C11orf54: variants seen among roughly 807,000 people sequenced by gnomAD.
C11orf54 encodes the protein beta-keto L-gulonate decarboxylase.
A neutral mutation model predicts 35.5 loss-of-function variants in C11orf54; 29 were observed. The observed-to-expected ratio is 0.82, with a 90% CI of 0.61 to 1.11. The LOEUF is 1.11. Ranked by LOEUF, C11orf54 falls within the 50% of genes most tolerant of loss-of-function variation. C11orf54 has a pLI of 0.00. For synonymous variants in C11orf54, 108 were observed against 121.1 expected, an observed-to-expected ratio of 0.89 and a Z score of 0.71; for missense variants, 373 against 369.2, an observed-to-expected ratio of 1.01 and a Z score of -0.08.
chr11:93,754,457 G>C (rs1461825249), intron 5 of C11orf54, among the ~76,000 whole-genome samples: 2 of 152,110 alleles, frequency 1.3e-5, no homozygotes, highest in African/African-American at 4.8e-5. Context: ...TATCACAATA[G>C]TATGATGGTT....
At chr11:93,753,072 C>T (rs917204601) in intron 3 of C11orf54, among the ~76,000 whole-genome samples, 7 of 152,060 alleles carry the variant, frequency 4.6e-5, no homozygotes, top group African/African-American at 1.7e-4. Context: ...CCTCTGCCCC[C>T]GCCGGGTTCA....
rs1260256188 is a variant in C11orf54 at position 93,759,762 on chromosome 11, C to A, written c.678C>A (p.Cys226Ter). 6.3e-7 allele frequency: 1 copy of A among 1,599,164 alleles called. No individual in the cohort carries two copies. Among genetic ancestry groups the A allele is most frequent in the Middle Eastern group, 1.7e-4 (1 of 5,996 alleles). ...TGTAGCCTGCAGAATTTTCTTCCTG[C>A]CCCTTGAACTCTGATGAAGAAGTGA... ...SHIMPAEFSS[C>*]PLNSDEEVNK... The change falls in exon 8 of 9, where the codon TGC becomes TGA. Residue 226 changes from cysteine (C) to a stop codon, truncating the protein, a stop_gained. Transcript: ENST00000354421. LOFTEE classifies it high-confidence loss of function.
At chr11:93,743,916 C>T (rs1195081049) in intron 1 of C11orf54, among the ~76,000 whole-genome samples, 2 of 152,118 alleles carry the variant, frequency 1.3e-5, no homozygotes, top group African/African-American at 4.8e-5. Flanking sequence ...AGGCTGTATT[C>T]CTGGAGTTTA....
rs761734799 is a variant in C11orf54 at position 93,759,834 on chromosome 11, A to G, written c.750A>G (p.Leu250=). ...AAATGAAAGCTCCTTTGGTTTGTCT[A>G]CCAGTTTTTGTCTCCAGAGACCCAG... is the stretch of plus-strand genomic sequence containing the variant. ...FYEMKAPLVC[L]PVFVSRDPGF... The change falls in exon 8 of 9, where the codon CTA becomes CTG. Residue 250 remains leucine (L), a synonymous_variant. Transcript: ENST00000354421. 2 of 1,607,062 alleles carry G rather than the reference A, an allele frequency of 1.2e-6. No homozygotes were observed. Among genetic ancestry groups the G allele is most frequent in the Admixed American group, 3.3e-5 (2 of 59,902 alleles).
rs572360354 is a variant in C11orf54, at chr11:93,763,860, T to G, written c.*2172T>G. 6.6e-6 allele frequency: 1 copy of G among 152,426 alleles called. No individual in the cohort carries two copies. The highest frequency in any genetic ancestry group is 2.4e-5 in the African/African-American group (1 of 41,590). 9.4% of individuals were successfully genotyped at this position (152,426 alleles called of 1,614,324 possible). A position where few individuals can be genotyped will look rare whatever the true frequency, so the allele number is the denominator to read the frequency against. ...TTTCTGGGGAAAGCAGGGCAGCTCC[T>G]AAGCAGGATTTGACAACAGGGAAGG... is the stretch of plus-strand genomic sequence containing the variant. On this transcript the variant is annotated 3_prime_UTR_variant, in exon 9 of 9. Coordinates refer to ENST00000354421, the MANE Select transcript of C11orf54 (RefSeq NM_001286069.2).
In C11orf54 at chr11:93,755,242, C is replaced by T; in HGVS notation, c.363C>T (p.His121=). 1.2e-6 allele frequency: 2 copies of T among 1,614,064 alleles called. No homozygotes were observed. The highest frequency in any genetic ancestry group is 1.3e-5 in the African/African-American group (1 of 75,038). Residue 121 remains histidine, a synonymous_variant, in exon 6 of 9, where the codon CAC becomes CAT. Coordinates refer to ENST00000354421, the MANE Select transcript of C11orf54 (RefSeq NM_001286069.2). ...CAGTTATTCAGACAGAAAGTGAACA[C>T]AAGCCTCCTGTAAATGGAAGTTACT... is the stretch of plus-strand genomic sequence containing the variant. ...FMPVIQTESE[H]KPPVNGSYFA... is the part of the protein sequence containing the mutation.
chr11:93,759,721 T>G, intron 7 of C11orf54, 21 bp from the exon 8 acceptor site: 1 of 1,351,774 alleles, frequency 7.4e-7, no homozygotes, highest in Non-Finnish European at 1.0e-6. Flanking sequence ...TGTTTACCTA[T>G]GTAATTATCT....
intron 7 of C11orf54, among the ~76,000 whole-genome samples, chr11:93,759,284 G>A (rs996541545): frequency 5.9e-5 from 9 of 152,152 alleles, no homozygotes; most frequent in African/African-American, 2.2e-4. Context: ...AGAAAATGTG[G>A]TACATATACA....
intron 8 of C11orf54, among the ~76,000 whole-genome samples, chr11:93,760,537 C>T (rs1943403362): frequency 6.6e-6 from 1 of 151,978 alleles, no homozygotes. Flanking sequence ...AGTAGAGTCA[C>T]AACTAGGATT....
chr11:93,761,111 C>G (rs1027492958), intron 8 of C11orf54, among the ~76,000 whole-genome samples: 1 of 152,104 alleles, frequency 6.6e-6, no homozygotes, highest in Non-Finnish European at 1.5e-5. Flanking sequence ...TGAGAAGTTA[C>G]ATACGCAATA....
At chr11:93,757,516 T>A (rs604414) in intron 7 of C11orf54, 51 bp downstream of exon 7, 1,518,417 of 1,535,612 alleles carry the variant, frequency 0.99, 752,287 homozygotes, top group East Asian at 1. Context: ...GTGTGTGCAC[T>A]TACTTAAGAT....
At chr11:93,756,825 C>T (rs1943182385) in intron 6 of C11orf54, among the ~76,000 whole-genome samples, 1 of 152,130 alleles carries the variant, frequency 6.6e-6, no homozygotes, top group Non-Finnish European at 1.5e-5. Flanking sequence ...GAGATAGCCT[C>T]TTCAGCTACT....
intron 1 of C11orf54, chr11:93,745,890 G>A (rs1404439243): frequency 6.6e-6 from 1 of 152,364 alleles, no homozygotes; most frequent in Non-Finnish European, 1.5e-5. Context: ...GATGAGACAG[G>A]AGAATTTCTT....
Position 93,761,739 on chromosome 11 carries a change from TTGAC to T in C11orf54, c.*53_*56del. 6 of 1,480,368 alleles carry T rather than the reference TTGAC, an allele frequency of 4.1e-6. No homozygotes were observed. Among genetic ancestry groups the T allele is most frequent in the East Asian group, 2.5e-5 (1 of 40,330 alleles). The allele number at this position is 1,480,368 out of a possible 1,614,324, so 91.7% of individuals were successfully genotyped here. On this transcript the variant is annotated 3_prime_UTR_variant, in exon 9 of 9. Coordinates refer to ENST00000354421, the MANE Select transcript of C11orf54 (RefSeq NM_001286069.2). ...GAAATAATTAAGGTTAATTAATTGATTGACTTATTAATTAATACTGATATAAAAC... is the reference window on the plus strand; with the variant it reads ...GAAATAATTAAGGTTAATTAATTGATTTATTAATTAATACTGATATAAAAC...
intron 2 of C11orf54, among the ~76,000 whole-genome samples, chr11:93,749,935 G>A (rs537864293): frequency 9.8e-5 from 15 of 152,324 alleles, no homozygotes; most frequent in African/African-American, 3.4e-4. Flanking sequence ...AAGTAATATT[G>A]TATGTAGTGT....
chr11:93,760,150 G>C (rs1943380865), intron 8 of C11orf54, among the ~76,000 whole-genome samples: 1 of 152,050 alleles, frequency 6.6e-6, no homozygotes, highest in Non-Finnish European at 1.5e-5. Flanking sequence ...TCACCACGTT[G>C]GTCAGGCTGG....
chr11:93,755,039 TA>T, intron 5 of C11orf54, 170 bp from the exon 6 acceptor site: 1 of 718,310 alleles, frequency 1.4e-6, no homozygotes, highest in Non-Finnish European at 2.1e-6. Flanking sequence ...GCCCGGCCTA[TA>T]AATGTTTTCC....
intron 6 of C11orf54, among the ~76,000 whole-genome samples, chr11:93,755,752 CAA>C (rs11452678): frequency 1.0e-4 from 11 of 109,746 alleles, no homozygotes; most frequent in Admixed American, 1.8e-4. Flanking sequence ...GACTCTGTCT[CAA>C]AAAAAAAAAA....
intron 5 of C11orf54, chr11:93,754,723 A>C (rs1269334693): frequency 6.9e-6 from 1 of 144,900 alleles, no homozygotes; most frequent in Non-Finnish European, 1.5e-5. Context: ...AAATCCAATA[A>C]ATATCTTTTT....
Sources: gnomAD v4.1 joint callset for allele counts (sites outside exome capture counted in the v4.1 genomes callset) on GRCh38, gnomAD v4.1.1 for gene constraint, MANE v1.5 for transcripts, NCBI Gene and HGNC (gene_info 2026-07-23, HGNC 2026-07-21) for gene names.